The following DAB1 variants were observed in gnomAD, a reference collection of about 807,000 sequenced individuals.
DAB1 encodes the protein disabled homolog 1.
Under a neutral mutation model 64.6 loss-of-function variants are expected in DAB1, and 15 were observed. That is an observed-to-expected ratio of 0.23 (90% CI 0.16 to 0.36). The LOEUF (loss-of-function observed/expected upper bound fraction) is 0.36. Among genes scored for constraint, DAB1 ranks in the 10% least tolerant of loss-of-function variants. The pLI is 1.00. For missense variants in DAB1, 596 were observed against 706.7 expected (o/e 0.84, Z 1.78); for synonymous variants, 235 against 251.9 (o/e 0.93, Z 0.64).
At chr1:57,762,841 G>A (rs1649145910) in intron 6 of DAB1, among the ~76,000 whole-genome samples, 1 of 152,154 alleles carries the variant, frequency 6.6e-6, no homozygotes, top group African/African-American at 2.4e-5. Flanking sequence ...ACTGTGCTAT[G>A]ACACCCTGTA....
intron 2 of DAB1, among the ~76,000 whole-genome samples, chr1:57,175,436 G>A (rs10465836): frequency 0.16 from 24,953 of 151,684 alleles, 3,004 homozygotes; most frequent in African/African-American, 0.34. Flanking sequence ...CTCTGGGGGA[G>A]CCTTCCTGCA....
intron 1 of DAB1, among the ~76,000 whole-genome samples, chr1:57,420,379 C>T (rs1175137807): frequency 1.3e-5 from 2 of 152,210 alleles, no homozygotes; most frequent in African/African-American, 2.4e-5. Flanking sequence ...CCAAATCTTC[C>T]TGTGCCCCAG....
intron 2 of DAB1, among the ~76,000 whole-genome samples, chr1:57,257,835 C>T (rs1356162456): frequency 6.6e-6 from 1 of 152,172 alleles, no homozygotes. Flanking sequence ...CACTCTGTGC[C>T]TAGTGGTCAC....
chr1:58,027,386 A>C (rs1447734774), intron 5 of DAB1, among the ~76,000 whole-genome samples: 2 of 152,132 alleles, frequency 1.3e-5, no homozygotes, highest in Non-Finnish European at 2.9e-5. Context: ...TTAAAATCTG[A>C]GGTTAAGTTC....
At chr1:57,391,869 C>T (rs761703694) in intron 1 of DAB1, among the ~76,000 whole-genome samples, 1 of 151,332 alleles carries the variant, frequency 6.6e-6, no homozygotes, top group African/African-American at 2.4e-5. Flanking sequence ...TGGAAAGTTG[C>T]ATTTTTTTAG....
At chr1:57,533,327 A>G (rs1644687005) in intron 7 of DAB1, among the ~76,000 whole-genome samples, 1 of 151,904 alleles carries the variant, frequency 6.6e-6, no homozygotes, top group African/African-American at 2.4e-5. Context: ...GGATTCTTAT[A>G]CAGAACCTAT....
rs1662118774 is a variant in DAB1, at chr1:58,300,612, G to GGA, written n.309+42739_309+42740insTC. On this transcript the variant is annotated intron_variant and non_coding_transcript_variant, in intron 4 of 20. Transcript: ENST00000485760. ...AGAAAGAAAGAAAGAAAGAAAGAAA[G>GGA]AGAGAGAGAGAGAGAGAGAGAGAGA... 2.5e-4 allele frequency among the ~76,000 whole-genome samples: 11 copies of GGA among 44,594 alleles called. 1 individual carries two copies. Among genetic ancestry groups the GGA allele is most frequent in the African/African-American group, 8.1e-4 (11 of 13,652 alleles). The allele number at this position is 44,594 out of a possible 152,430, so 29.3% of individuals were successfully genotyped here. A position where few individuals can be genotyped will look rare whatever the true frequency, so the allele number is the denominator to read the frequency against.
intron 1 of DAB1, among the ~76,000 whole-genome samples, chr1:57,374,285 A>T (rs982068263): frequency 5.9e-5 from 9 of 152,228 alleles, no homozygotes; most frequent in Middle Eastern, 3.2e-3. Flanking sequence ...TTTTGTCAGA[A>T]GGTATTATGA....
intron 7 of DAB1, among the ~76,000 whole-genome samples, chr1:57,442,582 A>T (rs147273384): frequency 6.4e-4 from 98 of 152,294 alleles, no homozygotes; most frequent in African/African-American, 2.4e-3. Flanking sequence ...CTGTGTTTGC[A>T]AACATTTACT....
intron 1 of DAB1, among the ~76,000 whole-genome samples, chr1:58,535,399 A>T (rs1044006234): frequency 1.3e-5 from 2 of 152,128 alleles, no homozygotes; most frequent in Non-Finnish European, 1.5e-5. Flanking sequence ...GATCAAGACC[A>T]TCCTGGCCAA....
At chr1:58,191,037 A>G (rs2100230068) in intron 4 of DAB1, among the ~76,000 whole-genome samples, 1 of 152,268 alleles carries the variant, frequency 6.6e-6, no homozygotes, top group Middle Eastern at 3.4e-3. Flanking sequence ...CCAAGGGTCC[A>G]AGGCCTGAGT....
chr1:57,097,998 C>T (rs925356117), intron 4 of DAB1, among the ~76,000 whole-genome samples: 5 of 152,052 alleles, frequency 3.3e-5, no homozygotes, highest in Admixed American at 6.5e-5. Context: ...AGGATGGTCT[C>T]GATCTCCTGA....
At chr1:58,509,763 A>T (rs896361457) in intron 2 of DAB1, among the ~76,000 whole-genome samples, 1 of 151,896 alleles carries the variant, frequency 6.6e-6, no homozygotes, top group African/African-American at 2.4e-5. Flanking sequence ...AGTAAGAAAA[A>T]AAAAGACTTA....
intron 7 of DAB1, chr1:57,606,197 T>TTTTTTTTTTG (rs1553199400): frequency 4.4e-5 from 11 of 248,542 alleles, no homozygotes; most frequent in South Asian, 9.0e-5. Flanking sequence ...CCGGTATTTT[T>TTTTTTTTTTG]AAAAGTCATG....
chr1:57,452,166 C>CCCCTT (rs367685387), intron 7 of DAB1, among the ~76,000 whole-genome samples: 24 of 75,010 alleles, frequency 3.2e-4, no homozygotes, highest in African/African-American at 1.1e-3. Flanking sequence ...TGCACCCCCC[C>CCCCTT]TTTTTTTTTT....
intron 1 of DAB1, chr1:58,536,439 T>C: frequency 1.4e-6 from 1 of 715,340 alleles, no homozygotes; most frequent in South Asian, 1.7e-5. Flanking sequence ...CAACATATCT[T>C]TCACATTTAA....
chr1:57,257,480 T>C (rs939808170), intron 2 of DAB1, among the ~76,000 whole-genome samples: 2 of 152,214 alleles, frequency 1.3e-5, no homozygotes, highest in Admixed American at 6.5e-5. Context: ...ATAGAAAATG[T>C]ATTATTATCC....
intron 7 of DAB1, among the ~76,000 whole-genome samples, chr1:57,567,537 C>A (rs1342193219): frequency 6.6e-6 from 1 of 152,188 alleles, no homozygotes; most frequent in Non-Finnish European, 1.5e-5. Flanking sequence ...CCCATCGTCT[C>A]AGCCCCAAAT....
At chr1:57,274,737 C>T (rs1257112711) in intron 2 of DAB1, among the ~76,000 whole-genome samples, 4 of 152,090 alleles carry the variant, frequency 2.6e-5, no homozygotes, top group East Asian at 1.9e-4. Context: ...AGCACCACCA[C>T]GCCTGACTAA....
Sources: gnomAD v4.1 joint callset for allele counts (sites outside exome capture counted in the v4.1 genomes callset) on GRCh38, gnomAD v4.1.1 for gene constraint, MANE v1.5 for transcripts, NCBI Gene and HGNC (gene_info 2026-07-23, HGNC 2026-07-21) for gene names.